Variants in ARL5B observed in about 807,000 individuals in gnomAD.
ARL5B encodes the protein ADP-ribosylation factor-like protein 5B.
A neutral mutation model predicts 26.9 loss-of-function variants in ARL5B; 10 were observed. The ratio of observed to expected loss-of-function variants is 0.37; its 90% CI spans 0.23 to 0.63. The LOEUF (loss-of-function observed/expected upper bound fraction) is 0.63, where lower values mean the gene tolerates loss of function less well. Among genes scored for constraint, ARL5B ranks in the 30% least tolerant of loss-of-function variants. The pLI, the probability that ARL5B is intolerant of heterozygous loss-of-function variation, is 0.62. For missense variants in ARL5B, 167 were observed against 213.9 expected (o/e 0.78, Z 1.37); for synonymous variants, 87 against 70.4 (o/e 1.24, Z -1.18).
In ARL5B at chr10:18,678,047, C is replaced by G. The variant is rs1251855865; in HGVS notation, c.*2831C>G. The G allele has an allele frequency of 6.6e-6, 1 of 151,596 alleles. No homozygotes were observed. Among genetic ancestry groups the G allele is most frequent in the Non-Finnish European group, 1.5e-5 (1 of 67,716 alleles). The allele number at this position is 151,596 out of a possible 1,614,324, so 9.4% of individuals were successfully genotyped here. On this transcript the variant is annotated 3_prime_UTR_variant, in exon 6 of 6. Coordinates refer to ENST00000377275, the MANE Select transcript of ARL5B (RefSeq NM_178815.5). The stretch of plus-strand genomic sequence containing the variant: ...CGTGTCATGTCCTTCATCTTTAAAC[C>G]CATCATTCTTATTGAAGCCCATTTG...
intron 1 of ARL5B, among the ~76,000 whole-genome samples, chr10:18,665,456 G>T (rs974144571): frequency 7.9e-5 from 12 of 152,270 alleles, no homozygotes; most frequent in Admixed American, 6.5e-5. Flanking sequence ...ATCCTGCACT[G>T]TAATAGGCTG....
intron 3 of ARL5B, among the ~76,000 whole-genome samples, chr10:18,671,836 G>C (rs577793626): frequency 5.9e-5 from 9 of 152,182 alleles, no homozygotes; most frequent in African/African-American, 2.2e-4. Context: ...TTTTTGTAGA[G>C]AGACAGGTTC....
Position 18,675,374 on chromosome 10 carries a change from A to G in ARL5B, c.*158A>G, listed in dbSNP as rs2059906046. ...GTGCAGCTGAACTGGAACATAAAAGATTTTTTCTTAACTTTTTTTTTTTAA... is the reference window on the plus strand; with the variant it reads ...GTGCAGCTGAACTGGAACATAAAAGGTTTTTTCTTAACTTTTTTTTTTTAA... On this transcript the variant is annotated 3_prime_UTR_variant, in exon 6 of 6. Transcript: ENST00000377275. 5 of 633,188 alleles carry G rather than the reference A, an allele frequency of 7.9e-6. No individual in the cohort carries two copies. The East Asian group carries it at 1.4e-4, about 18-fold the overall frequency. 39.2% of individuals were successfully genotyped at this position (633,188 alleles called of 1,614,324 possible). A position where few individuals can be genotyped will look rare whatever the true frequency, so the allele number is the denominator to read the frequency against.
In ARL5B at chr10:18,674,052, T is replaced by C. The variant is rs201307548; in HGVS notation, c.408T>C (p.Ala136=). ...KQDMKGCMTA[A]EISKYLTLSS... ...ATATGAAAGGGTGTATGACAGCAGC[T>C]GAAATCTCGAAATACCTCACCCTTA... The change falls in exon 5 of 6, where the codon GCT becomes GCC. Residue 136 remains alanine, a synonymous_variant. Transcript: ENST00000377275. 9 of 1,613,480 alleles carry C rather than the reference T, an allele frequency of 5.6e-6. No homozygotes were observed. The East Asian group carries it at 2.0e-4, about 36-fold the overall frequency.
chr10:18,662,367 T>C (rs997133029), intron 1 of ARL5B, among the ~76,000 whole-genome samples: 2 of 152,246 alleles, frequency 1.3e-5, no homozygotes, highest in African/African-American at 4.8e-5. Context: ...ATAAATTAGA[T>C]ACCTTTCTGT....
chr10:18,660,880 C>A (rs2059831278), intron 1 of ARL5B, among the ~76,000 whole-genome samples: 1 of 152,156 alleles, frequency 6.6e-6, no homozygotes, highest in Non-Finnish European at 1.5e-5. Context: ...CAGAGTCTTT[C>A]TCTGTCGCCC....
intron 1 of ARL5B, among the ~76,000 whole-genome samples, chr10:18,661,017 T>C (rs1007937037): frequency 2.6e-5 from 4 of 152,184 alleles, no homozygotes; most frequent in Non-Finnish European, 5.9e-5. Flanking sequence ...CCCGGCCTAT[T>C]TTTGTATCTT....
At chr10:18,662,484 A>T (rs1277039564) in intron 1 of ARL5B, among the ~76,000 whole-genome samples, 1 of 152,224 alleles carries the variant, frequency 6.6e-6, no homozygotes, top group African/African-American at 2.4e-5. Flanking sequence ...GACAGTTATT[A>T]TTCAAGGAAA....
intron 1 of ARL5B, 51 bp downstream of exon 1, chr10:18,659,734 G>C (rs973666316): frequency 6.3e-7 from 1 of 1,594,606 alleles, no homozygotes; most frequent in Non-Finnish European, 8.5e-7. Flanking sequence ...AGAGGGTCCC[G>C]CCGCCGATGG....
At chr10:18,672,515 A>C in intron 3 of ARL5B, 107 bp from the exon 4 acceptor site, 1 of 691,052 alleles carries the variant, frequency 1.4e-6, no homozygotes, top group Non-Finnish European at 2.4e-6. Flanking sequence ...GTTTTATAGT[A>C]ATGATGATGC....
chr10:18,670,222 T>C (rs1199119709), intron 3 of ARL5B, among the ~76,000 whole-genome samples: 1 of 152,198 alleles, frequency 6.6e-6, no homozygotes, highest in African/African-American at 2.4e-5. Flanking sequence ...AATTATTTTA[T>C]TGGGTATGCA....
Position 18,677,243 on chromosome 10 carries a change from C to T in ARL5B, c.*2027C>T, listed in dbSNP as rs2131651166. On this transcript the variant is annotated 3_prime_UTR_variant, in exon 6 of 6. Transcript: ENST00000377275. ...TAGTAAGATTGGCTGGCTCAATTTT[C>T]TTCTGTCAAATTATATGGTTATTTT... 1 of 151,974 alleles carries T rather than the reference C, an allele frequency of 6.6e-6. No individual in the cohort carries two copies. The highest frequency in any genetic ancestry group is 3.4e-3 in the Middle Eastern group (1 of 294). The allele number at this position is 151,974 out of a possible 1,614,324, so 9.4% of individuals were successfully genotyped here.
intron 1 of ARL5B, 142 bp downstream of exon 1, chr10:18,659,825 T>C (rs1225511898): frequency 6.7e-7 from 1 of 1,500,014 alleles, no homozygotes; most frequent in Non-Finnish European, 8.9e-7. Flanking sequence ...AGAAACTCAG[T>C]GTTTTAGACC....
intron 3 of ARL5B, 78 bp downstream of exon 3, chr10:18,668,755 C>T (rs948990917): frequency 3.1e-6 from 4 of 1,309,376 alleles, no homozygotes; most frequent in South Asian, 2.9e-5. Flanking sequence ...TGCACCTGGG[C>T]GTATTGACAG....
At chr10:18,671,162 T>A (rs912726295) in intron 3 of ARL5B, among the ~76,000 whole-genome samples, 4 of 152,176 alleles carry the variant, frequency 2.6e-5, no homozygotes, top group African/African-American at 9.7e-5. Flanking sequence ...ATTAGTTGTC[T>A]GTTTCCCTAA....
intron 2 of ARL5B, among the ~76,000 whole-genome samples, chr10:18,667,135 C>T (rs374738384): frequency 6.6e-6 from 1 of 152,214 alleles, no homozygotes; most frequent in African/African-American, 2.4e-5. Flanking sequence ...GAAATTTTCA[C>T]AGCTCATCAT....
chr10:18,668,182 T>A (rs1380028100), intron 2 of ARL5B, among the ~76,000 whole-genome samples: 2 of 152,186 alleles, frequency 1.3e-5, no homozygotes, highest in Non-Finnish European at 2.9e-5. Context: ...AGAAACTTGC[T>A]TTTCAGGATG....
rs984857616 is a variant in ARL5B at position 18,659,482 on chromosome 10, T to A, written c.-156T>A. 7 of 963,962 alleles carry A rather than the reference T, an allele frequency of 7.3e-6. No homozygotes were observed. The highest frequency in any genetic ancestry group is 8.7e-6 in the Non-Finnish European group (6 of 686,186). 59.7% of individuals were successfully genotyped at this position (963,962 alleles called of 1,614,324 possible). A position where few individuals can be genotyped will look rare whatever the true frequency, so the allele number is the denominator to read the frequency against. On this transcript the variant is annotated 5_prime_UTR_variant, in exon 1 of 6. Coordinates refer to ENST00000377275, the MANE Select transcript of ARL5B (RefSeq NM_178815.5). Reference sequence around the variant, plus strand: ...GGTGGGGATTCGTCGCGGCGCCTTCTGAGTGGTCGGGTCGAGGCTTCTCGG... The same window carrying A: ...GGTGGGGATTCGTCGCGGCGCCTTCAGAGTGGTCGGGTCGAGGCTTCTCGG...
At chr10:18,666,463 G>C in intron 1 of ARL5B, 112 bp from the exon 2 acceptor site, 3 of 825,974 alleles carry the variant, frequency 3.6e-6, no homozygotes, top group East Asian at 5.6e-5. Context: ...TCTAGTGATA[G>C]ATATTCAGTG....
Sources: gnomAD v4.1 joint callset for allele counts (sites outside exome capture counted in the v4.1 genomes callset) on GRCh38, gnomAD v4.1.1 for gene constraint, MANE v1.5 for transcripts, NCBI Gene and HGNC (gene_info 2026-07-23, HGNC 2026-07-21) for gene names.